The following KDM4C variants were observed in gnomAD, a reference collection of about 807,000 sequenced individuals.
KDM4C encodes the protein lysine-specific demethylase 4C.
A neutral mutation model predicts 129.3 loss-of-function variants in KDM4C; 81 were observed. The ratio of observed to expected loss-of-function variants is 0.63; its 90% CI spans 0.52 to 0.75. KDM4C has a LOEUF of 0.75. KDM4C is among the 30% of genes least tolerant of loss of function. KDM4C has a pLI of 0.00. For synonymous variants in KDM4C, 573 were observed against 456.1 expected (o/e 1.26, Z -3.26); for missense variants, 1,457 against 1,304.0 (o/e 1.12, Z -1.81).
chr9:7,175,479 C>A lies in KDM4C; in HGVS notation c.*750C>A, dbSNP rs1041684577. 1.3e-5 allele frequency: 2 copies of A among 152,232 alleles called. No individual in the cohort carries two copies. The highest frequency in any genetic ancestry group is 4.8e-5 in the African/African-American group (2 of 41,268). The allele number at this position is 152,232 out of a possible 1,614,324, so 9.4% of individuals were successfully genotyped here. On this transcript the variant is annotated 3_prime_UTR_variant, in exon 22 of 22. Coordinates refer to ENST00000381309, the MANE Select transcript of KDM4C (RefSeq NM_015061.6). ...ACACTTTTTTTCATAATACATATTC[C>A]GAGTAGATATTTATAAAATATATGT...
At chr9:6,920,120 G>A (rs147804848) in intron 8 of KDM4C, among the ~76,000 whole-genome samples, 11 of 152,122 alleles carry the variant, frequency 7.2e-5, no homozygotes, top group East Asian at 5.8e-4. Flanking sequence ...TGGAGGTTAG[G>A]GTTTTTATGG....
At chr9:7,052,894 A>AGAGAGAGAGAGAGAGAGAGC (rs1339242817) in intron 17 of KDM4C, among the ~76,000 whole-genome samples, 9,479 of 104,134 alleles carry the variant, frequency 0.091, 1,517 homozygotes, top group Middle Eastern at 0.16. Context: ...AGAGAGAGAG[A>AGAGAGAGAGAGAGAGAGAGC]GAGAGAGCGA....
chr9:7,064,470 G>A (rs773712762), intron 17 of KDM4C, among the ~76,000 whole-genome samples: 2 of 152,164 alleles, frequency 1.3e-5, no homozygotes, highest in Non-Finnish European at 2.9e-5. Flanking sequence ...ATTTTAGCAT[G>A]AACCTAGGTT....
At chr9:7,056,816 G>A (rs1462162191) in intron 17 of KDM4C, among the ~76,000 whole-genome samples, 2 of 152,178 alleles carry the variant, frequency 1.3e-5, no homozygotes, top group African/African-American at 4.8e-5. Flanking sequence ...TCTTGTCTGT[G>A]TGAGTAGTGA....
chr9:6,995,558 A>T (rs753996032), intron 12 of KDM4C, among the ~76,000 whole-genome samples: 4 of 152,248 alleles, frequency 2.6e-5, no homozygotes, highest in Admixed American at 2.0e-4. Context: ...TAATGCCTCC[A>T]ATATAAGGTT....
At chr9:7,087,892 C>T (rs1182672693) in intron 17 of KDM4C, among the ~76,000 whole-genome samples, 1 of 152,194 alleles carries the variant, frequency 6.6e-6, no homozygotes, top group Non-Finnish European at 1.5e-5. Flanking sequence ...TGTGAGAGGG[C>T]ACGTAGTTTT....
At chr9:6,934,537 CT>C (rs200273386) in intron 8 of KDM4C, among the ~76,000 whole-genome samples, 1 of 149,000 alleles carries the variant, frequency 6.7e-6, no homozygotes, top group Non-Finnish European at 1.5e-5. Flanking sequence ...TATCCTCTCT[CT>C]TTTTTTTTGA....
intron 8 of KDM4C, among the ~76,000 whole-genome samples, chr9:6,940,339 C>G (rs1313960029): frequency 2.6e-5 from 4 of 152,122 alleles, no homozygotes; most frequent in Non-Finnish European, 4.4e-5. Flanking sequence ...CTGTGCCTAG[C>G]TGAGACAATC....
intron 15 of KDM4C, among the ~76,000 whole-genome samples, chr9:7,039,410 T>G (rs4742290): frequency 0.055 from 8,436 of 152,042 alleles, 266 homozygotes; most frequent in South Asian, 0.096. Context: ...ATGGTTGATT[T>G]CTAAAAATAT....
At chr9:6,966,711 C>T (rs894785782) in intron 8 of KDM4C, among the ~76,000 whole-genome samples, 1 of 152,024 alleles carries the variant, frequency 6.6e-6, no homozygotes, top group Non-Finnish European at 1.5e-5. Context: ...CAAAGGCATC[C>T]AACCATCCAG....
intron 5 of KDM4C, among the ~76,000 whole-genome samples, chr9:6,875,843 A>G (rs1467045021): frequency 6.6e-6 from 1 of 152,188 alleles, no homozygotes; most frequent in Non-Finnish European, 1.5e-5. Context: ...GGTGCTCAGC[A>G]CCTATCTCCT....
chr9:6,722,157 G>A (rs531139362), intron 1 of KDM4C, among the ~76,000 whole-genome samples: 4 of 152,266 alleles, frequency 2.6e-5, no homozygotes, highest in Admixed American at 1.3e-4. Flanking sequence ...CCTGAGCCTG[G>A]TAAGGTCACG....
At chr9:6,818,197 A>G (rs12004793) in intron 4 of KDM4C, among the ~76,000 whole-genome samples, 4,263 of 152,146 alleles carry the variant, frequency 0.028, 190 homozygotes, top group African/African-American at 0.097. Context: ...CAGTTTTTTG[A>G]CTTTTGAAAC....
At chr9:6,722,244 G>A (rs1212496248) in intron 1 of KDM4C, among the ~76,000 whole-genome samples, 1 of 152,146 alleles carries the variant, frequency 6.6e-6, no homozygotes, top group Non-Finnish European at 1.5e-5. Flanking sequence ...TGTAGTGCAT[G>A]TTCTTGCCTA....
In KDM4C at chr9:7,067,019, T is replaced by C. The variant is rs540383295; in HGVS notation, c.2424+17819T>C. Among the ~76,000 whole-genome samples, 577 of 152,344 alleles carry C rather than the reference T, an allele frequency of 3.8e-3. 4 individuals are homozygous for C. Among genetic ancestry groups the C allele is most frequent in the African/African-American group, 0.013 (532 of 41,570 alleles). ...TATTTTTGGAAACAACAAGGAAATT[T>C]ATATATTTCTCTAAGAATCCTATTT... On this transcript the variant is annotated intron_variant, in intron 17 of 21. Transcript: ENST00000381309.
intron 5 of KDM4C, among the ~76,000 whole-genome samples, chr9:6,867,381 A>G (rs1842203913): frequency 6.6e-6 from 1 of 152,192 alleles, no homozygotes; most frequent in Admixed American, 6.5e-5. Flanking sequence ...TTGCTTCTAT[A>G]GCACCATTTT....
intron 8 of KDM4C, among the ~76,000 whole-genome samples, chr9:6,979,299 G>A (rs1816345346): frequency 6.6e-6 from 1 of 152,150 alleles, no homozygotes; most frequent in African/African-American, 2.4e-5. Context: ...GAAAGCAGTG[G>A]TGCAGATAAA....
intron 1 of KDM4C, among the ~76,000 whole-genome samples, chr9:6,742,250 G>A (rs957648899): frequency 6.6e-6 from 1 of 152,122 alleles, no homozygotes; most frequent in Non-Finnish European, 1.5e-5. Flanking sequence ...TCCTGACCTC[G>A]TCATCCGCCC....
At chr9:7,076,606 A>G (rs977266284) in intron 17 of KDM4C, 31 of 1,437,248 alleles carry the variant, frequency 2.2e-5, no homozygotes, top group Non-Finnish European at 2.6e-5. Context: ...TGGGGATACA[A>G]TAGCCTGAGC....
Sources: allele counts gnomAD v4.1 joint callset (sites outside exome capture counted in the v4.1 genomes callset), GRCh38; gene constraint gnomAD v4.1.1; transcripts MANE v1.5; gene names NCBI Gene and HGNC (gene_info 2026-07-23, HGNC 2026-07-21).